Variants in QRFPR observed in about 807,000 individuals in gnomAD.
The protein encoded by QRFPR is pyroglutamylated RF-amide peptide receptor.
In QRFPR, 37 loss-of-function variants were observed where a neutral mutation model predicts 31.3. The ratio of observed to expected loss-of-function variants is 1.18; its 90% CI spans 0.91 to 1.56. The LOEUF is 1.56. Ranked by LOEUF, QRFPR falls within the 40% of genes most tolerant of loss-of-function variation. QRFPR has a pLI of 0.00. For missense variants in QRFPR, 542 were observed against 532.5 expected (o/e 1.02, Z -0.18); for synonymous variants, 197 against 192.0 (o/e 1.03, Z -0.22).
At chr4:121,354,851 T>C (rs1725834672) in intron 1 of QRFPR, among the ~76,000 whole-genome samples, 1 of 152,102 alleles carries the variant, frequency 6.6e-6, no homozygotes, top group Admixed American at 6.6e-5. Context: ...TTCCATAGTG[T>C]TGATATGATG....
At chr4:121,361,127 C>T (rs1482873695) in intron 1 of QRFPR, among the ~76,000 whole-genome samples, 2 of 133,394 alleles carry the variant, frequency 1.5e-5, no homozygotes, top group South Asian at 4.5e-4. Flanking sequence ...GCTACAGAAA[C>T]GAGAAAAAGC....
At chr4:121,359,731 A>C (rs1277264329) in intron 1 of QRFPR, among the ~76,000 whole-genome samples, 1 of 150,084 alleles carries the variant, frequency 6.7e-6, no homozygotes, top group African/African-American at 2.5e-5. Context: ...ATGTGTGTGT[A>C]TATATATATT....
chr4:121,330,540 A>G lies in QRFPR; in HGVS notation c.798-17T>C, dbSNP rs758522593. ...TTCTTCTTCCTAAACCCACAAGGAA[A>G]CATTGTATTAGTTAACTTCTCCTTG... On this transcript the variant is annotated splice_polypyrimidine_tract_variant and intron_variant, in intron 4 of 5. Transcript: ENST00000394427. 1.3e-6 allele frequency: 2 copies of G among 1,590,648 alleles called. No homozygotes were observed. The highest frequency in any genetic ancestry group is 1.7e-6 in the Non-Finnish European group (2 of 1,158,842).
rs1725270990 is a variant in QRFPR at position 121,329,211 on chromosome 4, T to G, written c.*103A>C. On this transcript the variant is annotated 3_prime_UTR_variant, in exon 6 of 6. Transcript: ENST00000394427. ...ATGGAAACATGATTTGTTTTCTTCT[T>G]GTCATCATCTTAAGAATAAAAAGAG... is the stretch of plus-strand genomic sequence containing the variant. 1.1e-6 allele frequency: 1 copy of G among 913,930 alleles called. No homozygotes were observed. Among genetic ancestry groups the G allele is most frequent in the Non-Finnish European group, 1.6e-6 (1 of 622,662 alleles). 56.6% of individuals were successfully genotyped at this position (913,930 alleles called of 1,614,324 possible). A position where few individuals can be genotyped will look rare whatever the true frequency, so the allele number is the denominator to read the frequency against.
chr4:121,369,738 T>A, intron 1 of QRFPR: 1 of 1,603,086 alleles, frequency 6.2e-7, no homozygotes, highest in Non-Finnish European at 8.5e-7. Context: ...GTGCTAGGAT[T>A]TGGGCCAGGT....
chr4:121,365,523 AT>A (rs1726083605), intron 1 of QRFPR, among the ~76,000 whole-genome samples: 1 of 7,116 alleles, frequency 1.4e-4, no homozygotes, highest in Non-Finnish European at 1.9e-4. Flanking sequence ...TATATTATAT[AT>A]ATTATATATA....
chr4:121,364,508 C>T (rs769109323), intron 1 of QRFPR, among the ~76,000 whole-genome samples: 3 of 148,874 alleles, frequency 2.0e-5, no homozygotes, highest in Non-Finnish European at 4.5e-5. Flanking sequence ...GGCATGGTGG[C>T]GGGTGCCTAT....
chr4:121,339,033 AAACT>A (rs1560734759), intron 2 of QRFPR, among the ~76,000 whole-genome samples: 1 of 152,184 alleles, frequency 6.6e-6, no homozygotes, highest in Non-Finnish European at 1.5e-5. Context: ...CATAAAATTA[AAACT>A]AACTAACTAA....
chr4:121,352,214 T>C (rs1463131128), intron 1 of QRFPR, among the ~76,000 whole-genome samples: 4 of 152,124 alleles, frequency 2.6e-5, no homozygotes, highest in Non-Finnish European at 4.4e-5. Flanking sequence ...GGGAAATGTA[T>C]TATCTAACAT....
intron 2 of QRFPR, 45 bp from the exon 3 acceptor site, chr4:121,336,913 A>G (rs746033000): frequency 5.3e-6 from 8 of 1,501,828 alleles, no homozygotes; most frequent in Non-Finnish European, 6.5e-6. Context: ...AGTTGAGTAA[A>G]ACACATCCAT....
chr4:121,343,453 G>A lies in QRFPR; in HGVS notation c.341-2843C>T, dbSNP rs541138118. Among the ~76,000 whole-genome samples, 12 of 152,242 alleles carry A rather than the reference G, an allele frequency of 7.9e-5. No homozygotes were observed. In the South Asian group the frequency reaches 1.9e-3, roughly 24 times the overall value. On this transcript the variant is annotated intron_variant, in intron 1 of 5. Transcript: ENST00000394427. ...TTACAATTTCCCAAAACAAAATCCT[G>A]TTCAAACTTAAGGCCGTCTTTTATT... is the stretch of plus-strand genomic sequence containing the variant.
chr4:121,329,124 ATGAT>A lies in QRFPR; in HGVS notation c.*186_*189del. The A allele has an allele frequency of 2.0e-6, 1 of 502,418 alleles. No homozygotes were observed. Among genetic ancestry groups the A allele is most frequent in the Non-Finnish European group, 3.4e-6 (1 of 292,320 alleles). 31.1% of individuals were successfully genotyped at this position (502,418 alleles called of 1,614,324 possible). ...GAGAAGGAACACAGAAATCTGTTAA[ATGAT>A]TGTGATCAATTGGTTGTAAACATCA... On this transcript the variant is annotated 3_prime_UTR_variant, in exon 6 of 6. Coordinates refer to ENST00000394427, the MANE Select transcript of QRFPR (RefSeq NM_198179.3).
At chr4:121,343,660 T>C (rs56208410) in intron 1 of QRFPR, among the ~76,000 whole-genome samples, 43,581 of 152,112 alleles carry the variant, frequency 0.29, 6,627 homozygotes, top group Middle Eastern at 0.38. Flanking sequence ...CCTAGGTTTT[T>C]TTTCTCTTTT....
chr4:121,370,577 A>G (rs1726220506), intron 1 of QRFPR, among the ~76,000 whole-genome samples: 2 of 152,220 alleles, frequency 1.3e-5, no homozygotes, highest in Non-Finnish European at 2.9e-5. Flanking sequence ...TACATCCCCA[A>G]GAGGCTGTGG....
At position 121,380,858 on chromosome 4, in the gene QRFPR, G is replaced by T. The variant is rs763226122; in HGVS notation, c.-211C>A. 2 of 549,502 alleles carry T rather than the reference G, an allele frequency of 3.6e-6. No homozygotes were observed. The highest frequency in any genetic ancestry group is 2.6e-5 in the South Asian group (1 of 38,022). The allele number at this position is 549,502 out of a possible 1,614,324, so 34.0% of individuals were successfully genotyped here. A position where few individuals can be genotyped will look rare whatever the true frequency, so the allele number is the denominator to read the frequency against. The stretch of plus-strand genomic sequence containing the variant: ...CAAACCCACGATAAAGAGGCGGGAA[G>T]CCAAAGCACTGGGAGACTCGATCTC... On this transcript the variant is annotated 5_prime_UTR_variant, in exon 1 of 6. Coordinates refer to ENST00000394427, the MANE Select transcript of QRFPR (RefSeq NM_198179.3).
chr4:121,376,212 T>G (rs1726349831), intron 1 of QRFPR, among the ~76,000 whole-genome samples: 1 of 152,178 alleles, frequency 6.6e-6, no homozygotes, highest in African/African-American at 2.4e-5. Context: ...AATATTTGGG[T>G]GCAGAGAATC....
Position 121,380,988 on chromosome 4 carries a change from T to C in QRFPR, c.-341A>G, listed in dbSNP as rs1183973077. The C allele has an allele frequency of 4.4e-6, 1 of 225,226 alleles. No homozygotes were observed. Among genetic ancestry groups the C allele is most frequent in the Non-Finnish European group, 8.6e-6 (1 of 116,572 alleles). 14.0% of individuals were successfully genotyped at this position (225,226 alleles called of 1,614,324 possible). A position where few individuals can be genotyped will look rare whatever the true frequency, so the allele number is the denominator to read the frequency against. ...GTGCTGGAGCGCCACGCGAGGGTCCTGGCGCCTCTGGCTCCCCGCCTTCTG... is the reference window on the plus strand; with the variant it reads ...GTGCTGGAGCGCCACGCGAGGGTCCCGGCGCCTCTGGCTCCCCGCCTTCTG... On this transcript the variant is annotated 5_prime_UTR_variant, in exon 1 of 6. Coordinates refer to ENST00000394427, the MANE Select transcript of QRFPR (RefSeq NM_198179.3).
intron 1 of QRFPR, among the ~76,000 whole-genome samples, chr4:121,367,151 A>G (rs1463904914): frequency 6.7e-6 from 1 of 149,970 alleles, no homozygotes; most frequent in Non-Finnish European, 1.5e-5. Flanking sequence ...GGAGTCAGGC[A>G]CACAGGGGTT....
intron 3 of QRFPR, among the ~76,000 whole-genome samples, chr4:121,334,105 A>T (rs180782301): frequency 3.5e-4 from 53 of 152,328 alleles, no homozygotes; most frequent in African/African-American, 1.1e-3. Flanking sequence ...AATTCATTCC[A>T]ACTCCATGGA....
Sources: allele counts gnomAD v4.1 joint callset (sites outside exome capture counted in the v4.1 genomes callset), GRCh38; gene constraint gnomAD v4.1.1; transcripts MANE v1.5; gene names NCBI Gene and HGNC (gene_info 2026-07-23, HGNC 2026-07-21).